HMGN5: variants seen among roughly 807,000 people sequenced by gnomAD.
The protein encoded by HMGN5 is high mobility group nucleosome-binding domain-containing protein 5.
Under a neutral mutation model 9.5 loss-of-function variants are expected in HMGN5, and 4 were observed. The observed-to-expected ratio is 0.42, with a 90% CI of 0.21 to 0.96. HMGN5 has a LOEUF of 0.96. Ranked by LOEUF, HMGN5 falls within the 40% of genes least tolerant of loss-of-function variation. The pLI is 0.30. For synonymous variants in HMGN5, 55 were observed against 57.1 expected, an observed-to-expected ratio of 0.96 and a Z score of 0.16; for missense variants, 192 against 187.5, an observed-to-expected ratio of 1.02 and a Z score of -0.14.
chrX:81,189,474 T>G (rs2075487915), intron 1 of HMGN5, among the ~76,000 whole-genome samples: 1 of 112,295 alleles, frequency 8.9e-6, no homozygotes, highest in Non-Finnish European at 1.9e-5. Context: ...ATAGTTGGAA[T>G]CATACGGTAT....
At chrX:81,160,495 A>G (rs1214939774) in intron 1 of HMGN5, among the ~76,000 whole-genome samples, 1 of 110,404 alleles carries the variant, frequency 9.1e-6, no homozygotes, top group Non-Finnish European at 1.9e-5. Flanking sequence ...TTGATTACCT[A>G]TTTTTCCTAA....
chrX:81,177,367 CAAAAAAAAAAAAAA>C (rs148090852), intron 1 of HMGN5, among the ~76,000 whole-genome samples: 7 of 10,676 alleles, frequency 6.6e-4, no homozygotes, highest in Admixed American at 4.1e-3. Context: ...AAATGGAAAG[CAAAAAAAAAAAAAA>C]AAAAAAAAAA....
intron 1 of HMGN5, among the ~76,000 whole-genome samples, chrX:81,164,371 G>A (rs1258659902): frequency 9.0e-6 from 1 of 111,075 alleles, no homozygotes; most frequent in Non-Finnish European, 1.9e-5. Context: ...CCTAATGCAT[G>A]CTAGCATTTT....
intron 2 of HMGN5, among the ~76,000 whole-genome samples, chrX:81,120,345 G>A (rs2075265298): frequency 9.0e-6 from 1 of 111,157 alleles, no homozygotes; most frequent in Non-Finnish European, 1.9e-5. Context: ...CTAAGAAACT[G>A]GCCGCCGATT....
At position 81,118,731 on chromosome X, in the gene HMGN5, G is replaced by T. The variant is rs1198716515; in HGVS notation, c.74C>A (p.Ala25Asp). The T allele has an allele frequency of 8.4e-7, 1 of 1,195,057 alleles. No individual in the cohort carries two copies. The highest frequency in any genetic ancestry group is 2.2e-5 in the Admixed American group (1 of 45,104). ...EPKRRSARLS[A>D]MLVPVTPEVK... ...CTGCTTTTTGAAAAGATTACTTACA[G>T]CAGACAACCTGGCAGATCTTCTCTT... Residue 25 changes from alanine to aspartate, a missense_variant and splice_region_variant, in exon 4 of 7, where the codon GCT becomes GAT. Coordinates refer to ENST00000358130, the MANE Select transcript of HMGN5 (RefSeq NM_030763.3).
chrX:81,132,979 G>A (rs1020423948), intron 1 of HMGN5, among the ~76,000 whole-genome samples: 1 of 111,541 alleles, frequency 9.0e-6, no homozygotes, highest in Non-Finnish European at 1.9e-5. Context: ...CTAATATCCA[G>A]CATCTGCAAG....
chrX:81,148,024 GA>G (rs1181735244), intron 1 of HMGN5, among the ~76,000 whole-genome samples: 1 of 111,888 alleles, frequency 8.9e-6, no homozygotes, highest in African/African-American at 3.3e-5. Context: ...TCATGGATAG[GA>G]AGAATCAATA....
chrX:81,145,308 A>G (rs2075340574), intron 1 of HMGN5, among the ~76,000 whole-genome samples: 1 of 112,247 alleles, frequency 8.9e-6, no homozygotes. Flanking sequence ...CAGATCTCTC[A>G]GCAGAAACCC....
rs371513458 is a variant in HMGN5 at position 81,118,774 on chromosome X, C to T, written c.46-15G>A. ...CTTCTCTTTGGCTATAAGTTAAAAA[C>T]AAAAATCTGTTAAGAGAATTATGGA... On this transcript the variant is annotated splice_polypyrimidine_tract_variant and intron_variant, in intron 3 of 6. Coordinates refer to ENST00000358130, the MANE Select transcript of HMGN5 (RefSeq NM_030763.3). The T allele has an allele frequency of 2.4e-4, 279 of 1,139,485 alleles. 1 individual carries two copies. The African/African-American group carries it at 4.5e-3, about 18-fold the overall frequency. The allele number at this position is 1,139,485 out of a possible 1,213,427, so 93.9% of individuals were successfully genotyped here.
chrX:81,165,710 T>A (rs898748732), intron 1 of HMGN5, among the ~76,000 whole-genome samples: 22 of 111,564 alleles, frequency 2.0e-4, no homozygotes, highest in African/African-American at 6.2e-4. Flanking sequence ...AATAGAAGTG[T>A]GTAAAAAAGG....
At chrX:81,196,904 T>A (rs1475186926) in intron 1 of HMGN5, among the ~76,000 whole-genome samples, 2 of 111,375 alleles carry the variant, frequency 1.8e-5, no homozygotes, top group East Asian at 5.7e-4. Context: ...CCTGCTGCCA[T>A]GTGAGAAGGT....
intron 1 of HMGN5, among the ~76,000 whole-genome samples, chrX:81,169,145 A>G (rs772756263): frequency 2.1e-4 from 23 of 111,614 alleles, no homozygotes; most frequent in Middle Eastern, 4.7e-3. Flanking sequence ...CATCTTGAAA[A>G]AGAGTGCTAA....
intron 1 of HMGN5, among the ~76,000 whole-genome samples, chrX:81,145,945 G>A (rs1214401034): frequency 9.0e-6 from 1 of 111,611 alleles, no homozygotes; most frequent in Non-Finnish European, 1.9e-5. Context: ...GCAACAAGAA[G>A]AGCTAACTAT....
intron 4 of HMGN5, 22 bp from the exon 5 acceptor site, chrX:81,118,507 G>T: frequency 8.8e-7 from 1 of 1,130,338 alleles, no homozygotes; most frequent in Non-Finnish European, 1.2e-6. Flanking sequence ...TGTGGGAAAA[G>T]AAAAGAAAAG....
At chrX:81,131,197 A>ACCAC (rs2075296991) in intron 1 of HMGN5, among the ~76,000 whole-genome samples, 1 of 111,845 alleles carries the variant, frequency 8.9e-6, no homozygotes, top group Admixed American at 9.5e-5. Flanking sequence ...TTTCTTGTGG[A>ACCAC]CCACCAATGG....
chrX:81,139,327 T>G (rs2075321123), intron 1 of HMGN5, among the ~76,000 whole-genome samples: 1 of 111,810 alleles, frequency 8.9e-6, no homozygotes, highest in Admixed American at 9.5e-5. Flanking sequence ...AAGGGTAGTC[T>G]TTTCAATAAA....
At chrX:81,146,248 GA>G (rs1258367009) in intron 1 of HMGN5, among the ~76,000 whole-genome samples, 3 of 111,578 alleles carry the variant, frequency 2.7e-5, no homozygotes, top group Admixed American at 1.9e-4. Context: ...CACATAATTG[GA>G]AGTAAAACAC....
At chrX:81,153,617 A>G (rs866648189) in intron 1 of HMGN5, among the ~76,000 whole-genome samples, 1 of 49,082 alleles carries the variant, frequency 2.0e-5, no homozygotes, top group African/African-American at 8.6e-5. Flanking sequence ...ATATATATAT[A>G]TATATATATA....
chrX:81,147,592 C>T (rs2075348817), intron 1 of HMGN5, among the ~76,000 whole-genome samples: 1 of 111,654 alleles, frequency 9.0e-6, no homozygotes, highest in African/African-American at 3.3e-5. Flanking sequence ...TGCCCTCTCT[C>T]ACCACTCCTA....
Sources: gnomAD v4.1 joint callset for allele counts (sites outside exome capture counted in the v4.1 genomes callset) on GRCh38, gnomAD v4.1.1 for gene constraint, MANE v1.5 for transcripts, NCBI Gene and HGNC (gene_info 2026-07-23, HGNC 2026-07-21) for gene names.